Variants in PCDH11X observed in about 807,000 individuals in gnomAD.
PCDH11X encodes protocadherin-11 X-linked.
In PCDH11X, 18 loss-of-function variants were observed where a neutral mutation model predicts 53.3. The ratio of observed to expected loss-of-function variants is 0.34; its 90% CI spans 0.23 to 0.50. The LOEUF is 0.50. Ranked by LOEUF, PCDH11X falls within the 20% of genes least tolerant of loss-of-function variation. The pLI is 0.98. For missense variants in PCDH11X, 570 were observed against 1,032.4 expected (o/e 0.55, Z 6.14); for synonymous variants, 279 against 393.3 (o/e 0.71, Z 3.44).
intron 6 of PCDH11X, among the ~76,000 whole-genome samples, chrX:92,062,035 C>A (rs1162854163): frequency 1.8e-5 from 2 of 111,032 alleles, no homozygotes; most frequent in Non-Finnish European, 3.8e-5. Context: ...CATTTCATTT[C>A]TCTGGTTAGT....
chrX:92,613,474 G>C (rs7889929), intron 10 of PCDH11X, among the ~76,000 whole-genome samples: 3 of 109,718 alleles, frequency 2.7e-5, no homozygotes, highest in Middle Eastern at 4.7e-3. Context: ...CTGTTAGCCT[G>C]ATGGAGTTCG....
intron 10 of PCDH11X, among the ~76,000 whole-genome samples, chrX:92,559,684 C>T (rs905239867): frequency 1.8e-5 from 2 of 110,660 alleles, no homozygotes; most frequent in Admixed American, 1.9e-4. Context: ...TTACATTGAA[C>T]TTAGTCCTGC....
intron 6 of PCDH11X, among the ~76,000 whole-genome samples, chrX:91,921,457 G>C (rs1246072485): frequency 9.3e-6 from 1 of 107,377 alleles, no homozygotes; most frequent in Non-Finnish European, 1.9e-5. Flanking sequence ...TTCTCTGCTT[G>C]TTCATCCCTC....
chrX:92,127,657 A>G (rs1278547938), intron 6 of PCDH11X, among the ~76,000 whole-genome samples: 1 of 108,471 alleles, frequency 9.2e-6, no homozygotes, highest in African/African-American at 3.4e-5. Context: ...AGTAGCTGGG[A>G]CTACAGGTGC....
At chrX:91,848,377 T>A (rs937098208) in intron 5 of PCDH11X, among the ~76,000 whole-genome samples, 12 of 110,700 alleles carry the variant, frequency 1.1e-4, no homozygotes, top group Non-Finnish European at 2.1e-4. Context: ...TCCATGGACA[T>A]ATTCTTCATA....
chrX:92,159,928 A>G (rs1292428607), intron 6 of PCDH11X, among the ~76,000 whole-genome samples: 6 of 106,484 alleles, frequency 5.6e-5, no homozygotes. Context: ...TTTCAAAAAA[A>G]AAAGATTTGG....
At chrX:92,308,915 A>C (rs770590640) in intron 8 of PCDH11X, among the ~76,000 whole-genome samples, 1 of 110,488 alleles carries the variant, frequency 9.1e-6, no homozygotes, top group East Asian at 2.9e-4. Context: ...AGAAAAATAC[A>C]AATTAAAACC....
intron 6 of PCDH11X, among the ~76,000 whole-genome samples, chrX:91,978,041 T>C (rs2062069730): frequency 1.8e-5 from 2 of 111,749 alleles, no homozygotes; most frequent in South Asian, 7.5e-4. Flanking sequence ...GTAAATCTTA[T>C]TCACTTGTCT....
chrX:91,987,521 A>T (rs992686129), intron 6 of PCDH11X, among the ~76,000 whole-genome samples: 10 of 111,644 alleles, frequency 9.0e-5, no homozygotes, highest in Non-Finnish European at 1.9e-5. Flanking sequence ...TTTATATAAA[A>T]GCTTTATAAT....
chrX:91,810,987 A>G (rs1221261656), intron 3 of PCDH11X, among the ~76,000 whole-genome samples: 1 of 111,887 alleles, frequency 8.9e-6, no homozygotes, highest in Non-Finnish European at 1.9e-5. Flanking sequence ...CAGACAAATA[A>G]GGATAGCAGA....
intron 8 of PCDH11X, among the ~76,000 whole-genome samples, chrX:92,275,162 A>T (rs752827499): frequency 9.7e-6 from 1 of 103,458 alleles, no homozygotes; most frequent in Non-Finnish European, 2.0e-5. Flanking sequence ...CTGCACGCAG[A>T]CCTGAGGGCT....
chrX:92,348,185 T>C (rs923287589), intron 8 of PCDH11X, among the ~76,000 whole-genome samples: 6 of 111,937 alleles, frequency 5.4e-5, no homozygotes, highest in Non-Finnish European at 9.4e-5. Context: ...ATCAGCTTTG[T>C]TATTTTCAGC....
intron 9 of PCDH11X, among the ~76,000 whole-genome samples, chrX:92,456,489 A>G (rs1222763771): frequency 3.6e-5 from 4 of 110,988 alleles, no homozygotes; most frequent in Non-Finnish European, 3.8e-5. Context: ...GCAACATTTT[A>G]TCTCTTAGCG....
At chrX:92,614,689 A>G (rs1927780426) in intron 10 of PCDH11X, among the ~76,000 whole-genome samples, 1 of 108,073 alleles carries the variant, frequency 9.3e-6, no homozygotes, top group African/African-American at 3.4e-5. Flanking sequence ...GATGTCAGGC[A>G]CAAACACCAG....
intron 7 of PCDH11X, among the ~76,000 whole-genome samples, chrX:92,240,486 CACAAG>C (rs1032849707): frequency 2.1e-4 from 23 of 111,373 alleles, no homozygotes; most frequent in Non-Finnish European, 3.6e-4. Context: ...GCCACATTAT[CACAAG>C]GGTAATGTCT....
chrX:91,989,495 G>A (rs796232488), intron 6 of PCDH11X, among the ~76,000 whole-genome samples: 15 of 110,061 alleles, frequency 1.4e-4, no homozygotes, highest in South Asian at 3.9e-4. Context: ...CCCAGGAGGC[G>A]GAGCTTGCAG....
At chrX:92,102,547 A>G (rs6618854) in intron 6 of PCDH11X, among the ~76,000 whole-genome samples, 24,731 of 110,675 alleles carry the variant, frequency 0.22, 2,679 homozygotes, top group East Asian at 0.4. Flanking sequence ...ATTATGCCGA[A>G]ATAGGTAACA....
At chrX:92,055,927 AT>A (rs2063442665) in intron 6 of PCDH11X, among the ~76,000 whole-genome samples, 2 of 110,144 alleles carry the variant, frequency 1.8e-5, no homozygotes, top group Admixed American at 9.7e-5. Flanking sequence ...TATGTACCAC[AT>A]TTTCTTTACC....
chrX:92,410,859 G>A lies in PCDH11X; in HGVS notation c.3343+22926G>A, dbSNP rs189890714. On this transcript the variant is annotated intron_variant, in intron 9 of 10. Transcript: ENST00000682573. ...AAGGCAAAAGTGCCAACTGATGTTC[G>A]ATGCCATCAAACGATATTGGTCTTC... Among the ~76,000 whole-genome samples, 39 of 100,847 alleles carry A rather than the reference G, an allele frequency of 3.9e-4. 1 individual carries two copies. The East Asian group carries it at 8.0e-3, about 21-fold the overall frequency. 87.6% of individuals were successfully genotyped at this position (100,847 alleles called of 115,157 possible).
Sources: allele counts gnomAD v4.1 joint callset (sites outside exome capture counted in the v4.1 genomes callset), GRCh38; gene constraint gnomAD v4.1.1; transcripts MANE v1.5; gene names NCBI Gene and HGNC (gene_info 2026-07-23, HGNC 2026-07-21).